The following NSD3 variants were observed in gnomAD, a reference collection of about 807,000 sequenced individuals.
NSD3 encodes the protein nuclear receptor binding SET domain protein 3.
Under a neutral mutation model 160.8 loss-of-function variants are expected in NSD3, and 24 were observed. That is an observed-to-expected ratio of 0.15 (90% confidence interval 0.11 to 0.21). The LOEUF (loss-of-function observed/expected upper bound fraction) is 0.21. Ranked by LOEUF, NSD3 falls within the 10% of genes least tolerant of loss-of-function variation. The pLI is 1.00. For synonymous variants in NSD3, 520 were observed against 600.0 expected (o/e 0.87, Z 1.95); for missense variants, 1,157 against 1,735.9 (o/e 0.67, Z 5.93).
At chr8:38,335,354 G>A (rs190848159) in intron 4 of NSD3, among the ~76,000 whole-genome samples, 121 of 152,228 alleles carry the variant, frequency 7.9e-4, no homozygotes, top group East Asian at 9.6e-4. Flanking sequence ...GACATAAATT[G>A]TGCTTTCATT....
chr8:38,297,058 A>AT (rs1809167058), intron 15 of NSD3, among the ~76,000 whole-genome samples: 1 of 152,216 alleles, frequency 6.6e-6, no homozygotes, highest in African/African-American at 2.4e-5. Context: ...TAATTGTTAG[A>AT]TTTTCTGAAA....
At chr8:38,338,329 T>C (rs1444884621) in intron 3 of NSD3, among the ~76,000 whole-genome samples, 1 of 148,910 alleles carries the variant, frequency 6.7e-6, no homozygotes, top group East Asian at 2.0e-4. Flanking sequence ...ATACACATGA[T>C]CAATTGAAAA....
chr8:38,338,663 CAAAA>C, intron 2 of NSD3, 56 bp from the exon 3 acceptor site: 1 of 1,335,788 alleles, frequency 7.5e-7, no homozygotes, highest in Non-Finnish European at 1.1e-6. Context: ...AACAAACAAA[CAAAA>C]AACAGTGACA....
chr8:38,309,135 T>C (rs1483569319), intron 12 of NSD3, among the ~76,000 whole-genome samples: 1 of 150,736 alleles, frequency 6.6e-6, no homozygotes, highest in Non-Finnish European at 1.5e-5. Context: ...ATGGTAAACC[T>C]GTCTCTCTAC....
chr8:38,316,345 G>A lies in NSD3; in HGVS notation c.1856-303C>T, dbSNP rs2131022013. 9.2e-7 allele frequency: 1 copy of A among 1,087,808 alleles called. No homozygotes were observed. The highest frequency in any genetic ancestry group is 1.1e-6 in the Non-Finnish European group (1 of 883,608). The allele number at this position is 1,087,808 out of a possible 1,614,324, so 67.4% of individuals were successfully genotyped here. A position where few individuals can be genotyped will look rare whatever the true frequency, so the allele number is the denominator to read the frequency against. On this transcript the variant is annotated intron_variant, in intron 9 of 23. Transcript: ENST00000317025. The surrounding 1 kb of genome is among the most constrained non-coding windows in gnomAD (Gnocchi z 4.5). ...TCAATTCTATGAAAATTGCAGGATA[G>A]CTGATGGATTTGGAGCAATTCAAAG...
At chr8:38,353,355 C>G (rs1810747335) in intron 1 of NSD3, among the ~76,000 whole-genome samples, 1 of 152,164 alleles carries the variant, frequency 6.6e-6, no homozygotes, top group Admixed American at 6.5e-5. Flanking sequence ...CAAGCATGGA[C>G]CAACTACACA....
At chr8:38,346,189 T>C (rs1332101836) in intron 2 of NSD3, among the ~76,000 whole-genome samples, 1 of 149,662 alleles carries the variant, frequency 6.7e-6, no homozygotes, top group Non-Finnish European at 1.5e-5. Flanking sequence ...TATATACATA[T>C]ATGTATATAC....
chr8:38,345,279 G>T (rs1270185624), intron 2 of NSD3, among the ~76,000 whole-genome samples: 11 of 127,376 alleles, frequency 8.6e-5, no homozygotes, highest in Non-Finnish European at 1.6e-4. Flanking sequence ...ATGGAAGGGG[G>T]AAGGGACGAG....
At position 38,272,449 on chromosome 8, in the gene NSD3, G is replaced by A. The variant is rs905399631; in HGVS notation, c.*3192C>T. The A allele has an allele frequency of 6.6e-6, 1 of 152,358 alleles. No individual in the cohort carries two copies. The highest frequency in any genetic ancestry group is 6.5e-5 in the Admixed American group (1 of 15,298). The allele number at this position is 152,358 out of a possible 1,614,324, so 9.4% of individuals were successfully genotyped here. On this transcript the variant is annotated 3_prime_UTR_variant, in exon 24 of 24. Transcript: ENST00000317025. Reference sequence around the variant, plus strand: ...GCTGCTTCAGCCTTCCAGGAATGAAGAGCCATCCACCTTGCCCTTCTCAGC... The same window carrying A: ...GCTGCTTCAGCCTTCCAGGAATGAAAAGCCATCCACCTTGCCCTTCTCAGC...
At chr8:38,330,065 C>T (rs1014048116) in intron 5 of NSD3, among the ~76,000 whole-genome samples, 172 bp from the exon 6 acceptor site, 3 of 152,126 alleles carry the variant, frequency 2.0e-5, no homozygotes, top group African/African-American at 4.8e-5. Context: ...AAAAGATATT[C>T]GATAACATGA....
At chr8:38,327,265 A>T (rs1238550664) in intron 6 of NSD3, among the ~76,000 whole-genome samples, 1 of 151,860 alleles carries the variant, frequency 6.6e-6, no homozygotes, top group Non-Finnish European at 1.5e-5. Flanking sequence ...CATGTTGGCC[A>T]GGCTGGTCTC....
At chr8:38,295,501 C>CA (rs1321629073) in intron 16 of NSD3, among the ~76,000 whole-genome samples, 1 of 152,000 alleles carries the variant, frequency 6.6e-6, no homozygotes, top group Non-Finnish European at 1.5e-5. Flanking sequence ...GTGGAGGGTG[C>CA]AGTGAGCTGC....
At position 38,379,182 on chromosome 8, in the gene NSD3, A is replaced by G. The variant is rs954065113; in HGVS notation, c.-45+2617T>C. Among the ~76,000 whole-genome samples the G allele has an allele frequency of 4.2e-4, 64 of 152,194 alleles. 1 individual carries two copies. Among genetic ancestry groups the G allele is most frequent in the Non-Finnish European group, 2.9e-5 (2 of 68,030 alleles). ...AATTGGTTATAAGTGTTATTTAACAAGAGTAGGCTTCTTCGTATATGAATA... is the reference window on the plus strand; with the variant it reads ...AATTGGTTATAAGTGTTATTTAACAGGAGTAGGCTTCTTCGTATATGAATA... On this transcript the variant is annotated intron_variant, in intron 1 of 23. Transcript: ENST00000317025.
rs749987038 is a variant in NSD3 at position 38,314,759 on chromosome 8, A to G, written c.2130T>C (p.Ser710=). The G allele has an allele frequency of 4.6e-5, 74 of 1,613,916 alleles. 1 individual carries two copies. The highest frequency in any genetic ancestry group is 3.6e-5 in the Non-Finnish European group (43 of 1,179,982). The change falls in exon 12 of 24, where the codon TCT becomes TCC. Residue 710 remains serine (S), a synonymous_variant. Transcript: ENST00000317025. ...CCTCACAAGGAATCAGAGAGTCACC[A>G]GAGCTTTCACAAATCTGTAATATGG... The part of the protein sequence containing the change: ...KDTVCQICES[S]GDSLIPCEGE...
At position 38,371,159 on chromosome 8, in the gene NSD3, TA is replaced by T. The variant is rs532442117; in HGVS notation, c.-45+10639del. ...ATATGGATGCACAATTCCAACTATG[TA>T]AAAAAAATACATATGAAAAAATATT... On this transcript the variant is annotated intron_variant, in intron 1 of 23. Coordinates refer to ENST00000317025, the MANE Select transcript of NSD3 (RefSeq NM_023034.2). 1.4e-3 allele frequency among the ~76,000 whole-genome samples: 207 copies of T among 151,804 alleles called. 2 individuals carry two copies. Among genetic ancestry groups the T allele is most frequent in the African/African-American group, 4.7e-3 (196 of 41,458 alleles).
rs143875070 is a variant in NSD3 at position 38,332,623 on chromosome 8, C to T, written c.911-1038G>A. Among the ~76,000 whole-genome samples the T allele has an allele frequency of 2.0e-5, 3 of 152,240 alleles. No homozygotes were observed. The East Asian group carries it at 5.8e-4, about 29-fold the overall frequency. ...AGCCAGTCTGGGACAAAAGTAAGTA[C>T]AGAAGTTGAGTAAGCATTGAGAAGC... On this transcript the variant is annotated intron_variant, in intron 4 of 23. Transcript: ENST00000317025.
chr8:38,329,444 T>C lies in NSD3; in HGVS notation c.1515A>G (p.Gln505=). The change falls in exon 6 of 24, where the codon CAA becomes CAG. Residue 505 remains glutamine (Q), a synonymous_variant. Coordinates refer to ENST00000317025, the MANE Select transcript of NSD3 (RefSeq NM_023034.2). The surrounding 1 kb of genome is among the most constrained non-coding windows in gnomAD (Gnocchi z 4.8). ...CNMSPVVKIE[Q]VFALQNATGD... is the part of the protein sequence containing the mutation. ...CTGTAGCATTCTGAAGAGCAAACAC[T>C]TGTTCAATTTTCACAACTGGAGACA... 1.2e-6 allele frequency: 2 copies of C among 1,614,222 alleles called. No homozygotes were observed. Among genetic ancestry groups the C allele is most frequent in the South Asian group, 1.1e-5 (1 of 91,080 alleles).
In NSD3 at chr8:38,273,713, T is replaced by C. The variant is rs1808538535; in HGVS notation, c.*1928A>G. 6.6e-6 allele frequency: 1 copy of C among 152,206 alleles called. No homozygotes were observed. Among genetic ancestry groups the C allele is most frequent in the South Asian group, 2.1e-4 (1 of 4,836 alleles). The allele number at this position is 152,206 out of a possible 1,614,324, so 9.4% of individuals were successfully genotyped here. Reference sequence around the variant, plus strand: ...AATTGCTCAAGAGCAAAGTTTAGTGTTTTGGTGAGCTGTATTTCATGTTAC... The same window carrying C: ...AATTGCTCAAGAGCAAAGTTTAGTGCTTTGGTGAGCTGTATTTCATGTTAC... On this transcript the variant is annotated 3_prime_UTR_variant, in exon 24 of 24. Coordinates refer to ENST00000317025, the MANE Select transcript of NSD3 (RefSeq NM_023034.2).
rs1809676193 is a variant in NSD3, at chr8:38,316,760, G to C, written c.1856-718C>G. On this transcript the variant is annotated intron_variant, in intron 9 of 23. Transcript: ENST00000317025. The surrounding 1 kb of genome is among the most constrained non-coding windows in gnomAD (Gnocchi z 4.5). The stretch of plus-strand genomic sequence containing the variant: ...ATGGGAAGGCCTCTATGTGGAATTT[G>C]TGCGGGAAGAAATAAATAGGAAAAA... The C allele has an allele frequency of 9.4e-7, 1 of 1,058,526 alleles. No homozygotes were observed. Among genetic ancestry groups the C allele is most frequent in the African/African-American group, 1.6e-5 (1 of 60,672 alleles). The allele number at this position is 1,058,526 out of a possible 1,614,324, so 65.6% of individuals were successfully genotyped here.
Sources: gnomAD v4.1 joint callset for allele counts (sites outside exome capture counted in the v4.1 genomes callset) on GRCh38, gnomAD v4.1.1 for gene constraint, Gnocchi (gnomAD v3.1) non-coding constraint, MANE v1.5 for transcripts, NCBI Gene and HGNC (gene_info 2026-07-23, HGNC 2026-07-21) for gene names.